The following ERC1 variants were observed in gnomAD, a reference collection of about 807,000 sequenced individuals.
ERC1 encodes RAB6 interacting protein 2.
A neutral mutation model predicts 132.0 loss-of-function variants in ERC1; 56 were observed. That is an observed-to-expected ratio of 0.42 (90% CI 0.34 to 0.53). The LOEUF (loss-of-function observed/expected upper bound fraction) is 0.53. ERC1 is among the 20% of genes least tolerant of loss of function. The probability of loss-of-function intolerance (pLI) is 0.03; values close to 1 mark genes in which losing one functional copy is unlikely to be tolerated. For missense variants in ERC1, 1,202 were observed against 1,349.9 expected, an observed-to-expected ratio of 0.89 and a Z score of 1.72; for synonymous variants, 478 against 476.1, an observed-to-expected ratio of 1.00 and a Z score of -0.05.
At chr12:1,463,886 G>T (rs1184687861) in intron 18 of ERC1, among the ~76,000 whole-genome samples, 14 of 151,974 alleles carry the variant, frequency 9.2e-5, no homozygotes, top group Admixed American at 9.2e-4. Flanking sequence ...CTCTGGCAAG[G>T]AAAAGCTTGC....
At chr12:996,665 C>A (rs1208918464) in intron 1 of ERC1, among the ~76,000 whole-genome samples, 2 of 152,054 alleles carry the variant, frequency 1.3e-5, no homozygotes, top group Non-Finnish European at 2.9e-5. Context: ...CACATGACTT[C>A]TTATTGTTGT....
intron 2 of ERC1, among the ~76,000 whole-genome samples, chr12:1,032,428 T>C (rs1040952871): frequency 1.3e-5 from 2 of 152,218 alleles, no homozygotes; most frequent in Admixed American, 6.5e-5. Context: ...AGCTCAACCA[T>C]GAAAGGAAAA....
intron 7 of ERC1, among the ~76,000 whole-genome samples, chr12:1,138,421 AAT>A: frequency 6.8e-6 from 1 of 146,270 alleles, no homozygotes; most frequent in South Asian, 2.1e-4. Flanking sequence ...TATATATAGA[AAT>A]ATTGGTAAGT....
chr12:1,063,488 C>A (rs927034144), intron 2 of ERC1, among the ~76,000 whole-genome samples: 1 of 152,172 alleles, frequency 6.6e-6, no homozygotes, highest in Non-Finnish European at 1.5e-5. Flanking sequence ...TCTCGAACTG[C>A]TGACTTCAGG....
intron 1 of ERC1, among the ~76,000 whole-genome samples, chr12:1,025,794 G>GTTTTTTTTTT (rs1172351394): frequency 2.4e-5 from 3 of 127,606 alleles, no homozygotes; most frequent in Non-Finnish European, 3.3e-5. Context: ...AAAAAGGAAA[G>GTTTTTTTTTT]TTTTTTTTTT....
At chr12:1,061,897 T>C (rs1374479234) in intron 2 of ERC1, among the ~76,000 whole-genome samples, 1 of 152,062 alleles carries the variant, frequency 6.6e-6, no homozygotes, top group Non-Finnish European at 1.5e-5. Context: ...TTTTTTGATA[T>C]AAGTATTTAT....
chr12:1,189,521 T>C (rs962926812), intron 11 of ERC1, among the ~76,000 whole-genome samples: 3 of 152,216 alleles, frequency 2.0e-5, no homozygotes, highest in East Asian at 1.9e-4. Context: ...CCTTTTGATA[T>C]TCTCTTGGAG....
At chr12:1,302,736 A>C (rs2080499882) in intron 15 of ERC1, among the ~76,000 whole-genome samples, 1 of 151,912 alleles carries the variant, frequency 6.6e-6, no homozygotes, top group Admixed American at 6.6e-5. Context: ...GGGGCCATGG[A>C]AGGTGGATTG....
intron 14 of ERC1, among the ~76,000 whole-genome samples, chr12:1,269,284 G>A (rs1222814575): frequency 2.0e-5 from 3 of 152,196 alleles, no homozygotes; most frequent in Non-Finnish European, 4.4e-5. Flanking sequence ...GAAAGTTGGA[G>A]GGTTAGCAGC....
chr12:1,250,341 T>C (rs1481035040), intron 13 of ERC1, among the ~76,000 whole-genome samples: 1 of 152,228 alleles, frequency 6.6e-6, no homozygotes, highest in Non-Finnish European at 1.5e-5. Flanking sequence ...TTCCTTAGCC[T>C]GAATGTTTAA....
intron 14 of ERC1, among the ~76,000 whole-genome samples, chr12:1,275,504 T>C (rs1164865890): frequency 6.6e-6 from 1 of 151,760 alleles, no homozygotes; most frequent in Admixed American, 6.6e-5. Context: ...AGAGTAAGGG[T>C]AGAAAGGGCT....
Position 1,310,776 on chromosome 12 carries a change from A to G in ERC1, c.2780+20764A>G, listed in dbSNP as rs113342974. Among the ~76,000 whole-genome samples, 537 of 152,390 alleles carry G rather than the reference A, an allele frequency of 3.5e-3. 6 individuals are homozygous for G. The highest frequency in any genetic ancestry group is 0.012 in the African/African-American group (515 of 41,604). ...TCAAAATAAGGGAGATGAAAATACT[A>G]TCGTCATTACTGACAAAGCTGATTA... is the stretch of plus-strand genomic sequence containing the variant. On this transcript the variant is annotated intron_variant, in intron 15 of 18. Coordinates refer to ENST00000360905, the MANE Select transcript of ERC1 (RefSeq NM_178040.4).
chr12:1,029,936 C>T (rs1967687717), intron 2 of ERC1, among the ~76,000 whole-genome samples: 2 of 152,060 alleles, frequency 1.3e-5, no homozygotes, highest in Non-Finnish European at 2.9e-5. Context: ...TTAGTAGAGA[C>T]GGGGTTTCAC....
In ERC1 at chr12:1,028,408, C is replaced by A. The variant is rs773843924; in HGVS notation, c.505C>A (p.Arg169=). The A allele has an allele frequency of 3.7e-6, 6 of 1,613,972 alleles. No homozygotes were observed. In the Admixed American group the frequency reaches 8.3e-5, roughly 22 times the overall value. ...AGTATTAAGAGAAAATGATCTCTTGCGGAAGGATGTGGAAGTAAAGGAGAG... is the reference window on the plus strand; with the variant it reads ...AGTATTAAGAGAAAATGATCTCTTGAGGAAGGATGTGGAAGTAAAGGAGAG... ...KEVLRENDLL[R]KDVEVKESKL... is the part of the protein sequence containing the mutation. Residue 169 remains arginine (R), a synonymous_variant, in exon 2 of 19, where the codon CGG becomes AGG. Coordinates refer to ENST00000360905, the MANE Select transcript of ERC1 (RefSeq NM_178040.4).
chr12:1,269,587 T>C (rs73027487), intron 14 of ERC1, among the ~76,000 whole-genome samples: 1,607 of 152,278 alleles, frequency 0.011, 10 homozygotes, highest in Non-Finnish European at 0.018. Flanking sequence ...AAGATCATTC[T>C]GGGTGTTGGG....
chr12:1,401,477 A>G lies in ERC1; in HGVS notation c.2926-6672A>G, dbSNP rs183547109. Among the ~76,000 whole-genome samples the G allele has an allele frequency of 6.0e-4, 91 of 152,270 alleles. No individual in the cohort carries two copies. In the East Asian group the frequency reaches 0.017, roughly 28 times the overall value. ...TGGTGTATGTTTGGAAATTCTCCAT[A>G]TAAAATATAATTATTTTAGTTTTAA... is the stretch of plus-strand genomic sequence containing the variant. On this transcript the variant is annotated intron_variant, in intron 16 of 18. Transcript: ENST00000360905.
At chr12:1,450,186 A>G (rs1207707347) in intron 18 of ERC1, among the ~76,000 whole-genome samples, 2 of 152,240 alleles carry the variant, frequency 1.3e-5, no homozygotes, top group Non-Finnish European at 2.9e-5. Context: ...CATACACAAC[A>G]TAAATTTTAC....
intron 16 of ERC1, among the ~76,000 whole-genome samples, chr12:1,388,084 G>A (rs555073824): frequency 3.9e-5 from 6 of 152,228 alleles, no homozygotes; most frequent in South Asian, 2.1e-4. Flanking sequence ...AGCCTCGGCC[G>A]GGCGTGGTGG....
chr12:1,136,142 A>G (rs1329178687), intron 7 of ERC1, among the ~76,000 whole-genome samples: 1 of 152,198 alleles, frequency 6.6e-6, no homozygotes, highest in African/African-American at 2.4e-5. Context: ...ACAACCAATA[A>G]AAGTCAAGCT....
Sources: allele counts gnomAD v4.1 joint callset (sites outside exome capture counted in the v4.1 genomes callset), GRCh38; gene constraint gnomAD v4.1.1; transcripts MANE v1.5; gene names NCBI Gene and HGNC (gene_info 2026-07-23, HGNC 2026-07-21).